The following PDE7B variants were observed in gnomAD, a reference collection of about 807,000 sequenced individuals.
The protein encoded by PDE7B is 3',5'-cyclic-AMP phosphodiesterase 7B.
PDE7B carries 29 observed loss-of-function variants against 56.2 expected under a neutral mutation model. That is an observed-to-expected ratio of 0.52 (90% CI 0.38 to 0.70). PDE7B has a LOEUF of 0.70. Ranked by LOEUF, PDE7B falls within the 30% of genes least tolerant of loss-of-function variation. The probability of loss-of-function intolerance (pLI) is 0.00; values close to 1 mark genes in which losing one functional copy is unlikely to be tolerated. For synonymous variants in PDE7B, 197 were observed against 196.9 expected, an observed-to-expected ratio of 1.00 and a Z score of 0.00; for missense variants, 490 against 565.0, an observed-to-expected ratio of 0.87 and a Z score of 1.35.
At chr6:136,117,673 G>A (rs781154727) in intron 3 of PDE7B, among the ~76,000 whole-genome samples, 2 of 152,200 alleles carry the variant, frequency 1.3e-5, no homozygotes, top group Non-Finnish European at 2.9e-5. Context: ...CACCATAACA[G>A]CTCTAGTCTG....
intron 2 of PDE7B, among the ~76,000 whole-genome samples, chr6:135,994,807 A>G (rs1775536341): frequency 6.6e-6 from 1 of 152,196 alleles, no homozygotes; most frequent in Non-Finnish European, 1.5e-5. Context: ...GCTAAGAATT[A>G]TTATATTAGC....
At chr6:136,153,130 T>C (rs1209657712) in intron 6 of PDE7B, among the ~76,000 whole-genome samples, 1 of 152,240 alleles carries the variant, frequency 6.6e-6, no homozygotes. Flanking sequence ...TGTATTTCAA[T>C]TGATTGAGCA....
At chr6:136,029,287 T>C (rs1209238699) in intron 2 of PDE7B, among the ~76,000 whole-genome samples, 1 of 152,118 alleles carries the variant, frequency 6.6e-6, no homozygotes, top group African/African-American at 2.4e-5. Context: ...CCTCAAAGTT[T>C]GAAAGCAGGA....
At chr6:135,903,485 T>C (rs1399052683) in intron 1 of PDE7B, among the ~76,000 whole-genome samples, 2 of 152,164 alleles carry the variant, frequency 1.3e-5, no homozygotes, top group African/African-American at 4.8e-5. Context: ...ACACAAAGTT[T>C]CTCCTAATAT....
chr6:135,894,278 T>A (rs1000809175), intron 1 of PDE7B, among the ~76,000 whole-genome samples: 9 of 152,180 alleles, frequency 5.9e-5, no homozygotes, highest in Admixed American at 2.6e-4. Flanking sequence ...TTTTATATTA[T>A]TTTTCTTTTA....
At position 135,998,807 on chromosome 6, in the gene PDE7B, T is replaced by C. The variant is rs182963157; in HGVS notation, c.82+51283T>C. On this transcript the variant is annotated intron_variant, in intron 2 of 12. Transcript: ENST00000308191. ...AAAAAAAAAACACTCCTTAAAGTGA[T>C]ACTTAGACATTACAATTTTCACTCT... Among the ~76,000 whole-genome samples, 176 of 151,372 alleles carry C rather than the reference T, an allele frequency of 1.2e-3. 1 individual carries two copies. The highest frequency in any genetic ancestry group is 3.4e-3 in the Middle Eastern group (1 of 290).
chr6:136,181,399 G>A (rs1779062545), intron 11 of PDE7B, 76 bp downstream of exon 11: 4 of 884,808 alleles, frequency 4.5e-6, no homozygotes, highest in Non-Finnish European at 7.6e-6. Context: ...AACAGGAAAT[G>A]GCTGATCTAT....
intron 2 of PDE7B, among the ~76,000 whole-genome samples, chr6:136,002,212 G>T (rs1446494248): frequency 1.3e-5 from 2 of 152,156 alleles, no homozygotes; most frequent in Non-Finnish European, 2.9e-5. Flanking sequence ...TCTAAACATG[G>T]AAAGGAACAA....
At chr6:136,022,776 T>G (rs1356401217) in intron 2 of PDE7B, among the ~76,000 whole-genome samples, 2 of 152,242 alleles carry the variant, frequency 1.3e-5, no homozygotes, top group Non-Finnish European at 2.9e-5. Flanking sequence ...AGCAGCTGTT[T>G]GTGTCTGTGC....
At chr6:136,129,718 G>A (rs561767453) in intron 3 of PDE7B, among the ~76,000 whole-genome samples, 1 of 152,202 alleles carries the variant, frequency 6.6e-6, no homozygotes, top group South Asian at 2.1e-4. Flanking sequence ...TGAGACAATC[G>A]AGGATAGTTC....
At chr6:135,906,806 G>GTTTT (rs1383346069) in intron 1 of PDE7B, among the ~76,000 whole-genome samples, 10 of 32,446 alleles carry the variant, frequency 3.1e-4, no homozygotes, top group African/African-American at 7.6e-4. Context: ...TGTTAATGAG[G>GTTTT]TTTGTTTTTT....
chr6:135,999,593 T>A (rs1327513782), intron 2 of PDE7B, among the ~76,000 whole-genome samples: 3 of 152,174 alleles, frequency 2.0e-5, no homozygotes, highest in Non-Finnish European at 4.4e-5. Context: ...AGACATGAAC[T>A]CATTCTTTTT....
intron 2 of PDE7B, among the ~76,000 whole-genome samples, chr6:135,951,469 G>A (rs1017624393): frequency 6.6e-6 from 1 of 152,124 alleles, no homozygotes; most frequent in African/African-American, 2.4e-5. Context: ...TGGGCAAAAA[G>A]AGCCCAGAAT....
chr6:135,969,898 T>G (rs780791687), intron 2 of PDE7B, among the ~76,000 whole-genome samples: 1 of 152,010 alleles, frequency 6.6e-6, no homozygotes, highest in Non-Finnish European at 1.5e-5. Context: ...AAAGAGAAAA[T>G]AACCCAGGTG....
intron 2 of PDE7B, among the ~76,000 whole-genome samples, chr6:136,026,210 C>T (rs1441996552): frequency 2.0e-5 from 3 of 152,290 alleles, no homozygotes; most frequent in Non-Finnish European, 2.9e-5. Flanking sequence ...TTGAAGAAAC[C>T]ACCCCATTAC....
At chr6:136,079,582 A>G (rs1028434653) in intron 2 of PDE7B, among the ~76,000 whole-genome samples, 2 of 152,074 alleles carry the variant, frequency 1.3e-5, no homozygotes, top group Non-Finnish European at 2.9e-5. Context: ...CACACAGACC[A>G]CTTAAAGACT....
intron 1 of PDE7B, among the ~76,000 whole-genome samples, chr6:135,871,936 A>G (rs964953826): frequency 1.3e-5 from 2 of 152,228 alleles, no homozygotes; most frequent in South Asian, 2.1e-4. Flanking sequence ...TTAGGAAACT[A>G]TGAATGGCAG....
At chr6:135,912,144 G>C (rs2128193927) in intron 1 of PDE7B, among the ~76,000 whole-genome samples, 1 of 152,252 alleles carries the variant, frequency 6.6e-6, no homozygotes, top group East Asian at 1.9e-4. Flanking sequence ...ATGCAACACT[G>C]TGACCAGCAT....
At chr6:136,108,902 C>G in intron 3 of PDE7B, 88 bp downstream of exon 3, 1 of 836,732 alleles carries the variant, frequency 1.2e-6, no homozygotes, top group Non-Finnish European at 2.1e-6. Context: ...ACTTCGAAAC[C>G]TTCTGGGGTC....
Sources: gnomAD v4.1 joint callset for allele counts (sites outside exome capture counted in the v4.1 genomes callset) on GRCh38, gnomAD v4.1.1 for gene constraint, MANE v1.5 for transcripts, NCBI Gene and HGNC (gene_info 2026-07-23, HGNC 2026-07-21) for gene names.